USP2: variants seen among roughly 807,000 people sequenced by gnomAD.
USP2 encodes the protein ubiquitin specific peptidase 2.
USP2 carries 33 observed loss-of-function variants against 72.0 expected under a neutral mutation model. The observed-to-expected ratio is 0.46, with a 90% confidence interval of 0.35 to 0.61. The LOEUF is 0.61. Among genes scored for constraint, USP2 ranks in the 20% least tolerant of loss-of-function variants. USP2 has a pLI of 0.01. For missense variants in USP2, 691 were observed against 797.8 expected (o/e 0.87, Z 1.61); for synonymous variants, 296 against 312.5 (o/e 0.95, Z 0.56).
chr11:119,373,207 C>T lies in USP2; in HGVS notation c.274G>A (p.Ala92Thr). The T allele has an allele frequency of 6.2e-7, 1 of 1,613,988 alleles. No individual in the cohort carries two copies. Among genetic ancestry groups the T allele is most frequent in the African/African-American group, 1.3e-5 (1 of 75,028 alleles). Residue 92 changes from alanine to threonine, a missense_variant, in exon 2 of 13, where the codon GCA becomes ACA. Transcript: ENST00000260187. ...RPDITGGGKRAESQTRGTERP... is the reference protein window; with the variant it reads ...RPDITGGGKRTESQTRGTERP... ...TCAGTACCCCGGGTCTGGCTCTCTGCCCGCTTACCACCCCCAGTGATGTCG... is the reference window on the plus strand; with the variant it reads ...TCAGTACCCCGGGTCTGGCTCTCTGTCCGCTTACCACCCCCAGTGATGTCG...
rs201525721 is a variant in USP2 at position 119,359,570 on chromosome 11, G to A, written c.916C>T (p.His306Tyr). 9.3e-6 allele frequency: 15 copies of A among 1,613,952 alleles called. No homozygotes were observed. The Admixed American group carries it at 2.5e-4, about 27-fold the overall frequency. ...AGGGCTGTGTGTGCATTGCTGCCGT[G>A]GTGCAGGTCCCGCATGTAGAGCCTC... ...LQRLYMRDLH[H>Y]GSNAHTALVE... is the part of the protein sequence containing the mutation. The change falls in exon 4 of 13, where the codon CAC (histidine) becomes TAC (tyrosine). Residue 306 changes from histidine (H) to tyrosine (Y), a missense_variant. His to Tyr is a moderately conservative substitution (Grantham distance 83, BLOSUM62 2). Transcript: ENST00000260187.
intron 2 of USP2, among the ~76,000 whole-genome samples, chr11:119,369,198 C>G (rs1950894129): frequency 6.6e-6 from 1 of 152,190 alleles, no homozygotes; most frequent in Admixed American, 6.5e-5. Flanking sequence ...TATACAAGTG[C>G]TGAGCTGCGC....
At chr11:119,366,259 G>A (rs777917875) in intron 2 of USP2, among the ~76,000 whole-genome samples, 2 of 152,194 alleles carry the variant, frequency 1.3e-5, no homozygotes, top group Non-Finnish European at 2.9e-5. Context: ...TTCCAGGACT[G>A]CAAAGTTAAT....
At position 119,357,078 on chromosome 11, in the gene USP2, T is replaced by G. The variant is rs1950670690; in HGVS notation, c.1730+109A>C. On this transcript the variant is annotated intron_variant, in intron 12 of 12. Coordinates refer to ENST00000260187, the MANE Select transcript of USP2 (RefSeq NM_004205.5). ...CTTAAACTTTGCCATCCATTCTCGG[T>G]GTAAGCCGTGCGGGGGGTGGGAGGG... 7 of 973,508 alleles carry G rather than the reference T, an allele frequency of 7.2e-6. No homozygotes were observed. The East Asian group carries it at 4.3e-4, about 60-fold the overall frequency. 60.3% of individuals were successfully genotyped at this position (973,508 alleles called of 1,614,324 possible).
chr11:119,367,699 T>C (rs1414305443), intron 2 of USP2, among the ~76,000 whole-genome samples: 1 of 152,212 alleles, frequency 6.6e-6, no homozygotes, highest in Non-Finnish European at 1.5e-5. Flanking sequence ...CAGTCTGGCC[T>C]GAACCAGCTG....
At chr11:119,380,401 C>T (rs1951046601) in intron 1 of USP2, among the ~76,000 whole-genome samples, 1 of 152,080 alleles carries the variant, frequency 6.6e-6, no homozygotes, top group Admixed American at 6.5e-5. Flanking sequence ...AGTGCAGCTT[C>T]CCCCAGGCCA....
At chr11:119,379,917 CTTTTTTTTTT>C (rs397816714) in intron 1 of USP2, among the ~76,000 whole-genome samples, 22 of 116,548 alleles carry the variant, frequency 1.9e-4, no homozygotes, top group African/African-American at 7.2e-4. Context: ...GTTCCTTTCT[CTTTTTTTTTT>C]TTTTTTTTTG....
At chr11:119,379,468 C>T (rs1951036439) in intron 1 of USP2, 1 of 285,884 alleles carries the variant, frequency 3.5e-6, no homozygotes, top group South Asian at 1.3e-4. Context: ...ACAGTTAGCC[C>T]CACTCTTAAT....
At chr11:119,373,838 G>A (rs984894217) in intron 1 of USP2, among the ~76,000 whole-genome samples, 3 of 152,228 alleles carry the variant, frequency 2.0e-5, no homozygotes, top group Non-Finnish European at 4.4e-5. Context: ...ACCAAGCCGT[G>A]CAGTCTTCCA....
chr11:119,369,521 G>A (rs905459575), intron 2 of USP2, among the ~76,000 whole-genome samples: 7 of 152,190 alleles, frequency 4.6e-5, no homozygotes, highest in Admixed American at 1.3e-4. Flanking sequence ...TTTCTCCCAC[G>A]GGGTTGGTGG....
intron 1 of USP2, among the ~76,000 whole-genome samples, chr11:119,375,969 C>A (rs950151974): frequency 6.6e-6 from 1 of 152,204 alleles, no homozygotes; most frequent in African/African-American, 2.4e-5. Flanking sequence ...ACTCTCCCTC[C>A]CATCTGGCAG....
chr11:119,358,955 C>G (rs1234666398), intron 6 of USP2, 69 bp downstream of exon 6: 15 of 1,585,054 alleles, frequency 9.5e-6, no homozygotes, highest in Non-Finnish European at 1.2e-5. Context: ...TCATTAACCC[C>G]AAAGTGGTGG....
chr11:119,367,390 G>T (rs371069251), intron 2 of USP2, among the ~76,000 whole-genome samples: 1 of 152,230 alleles, frequency 6.6e-6, no homozygotes, highest in Non-Finnish European at 1.5e-5. Context: ...TCTCAGATCT[G>T]CGTGGGCAGC....
chr11:119,369,199 T>A (rs1022318615), intron 2 of USP2, among the ~76,000 whole-genome samples: 7 of 152,192 alleles, frequency 4.6e-5, no homozygotes, highest in African/African-American at 1.7e-4. Context: ...ATACAAGTGC[T>A]GAGCTGCGCC....
chr11:119,362,208 A>G (rs1950774691), intron 2 of USP2, among the ~76,000 whole-genome samples: 1 of 152,070 alleles, frequency 6.6e-6, no homozygotes, highest in Non-Finnish European at 1.5e-5. Flanking sequence ...GGGGTAGGGA[A>G]ATGGGAAAAC....
At chr11:119,364,212 G>A in intron 2 of USP2, 4 of 1,128,128 alleles carry the variant, frequency 3.5e-6, no homozygotes, top group Non-Finnish European at 3.3e-6. Flanking sequence ...GCCGACTGGC[G>A]GCCCCGCCGG....
chr11:119,368,190 G>C (rs1950880565), intron 2 of USP2, among the ~76,000 whole-genome samples: 1 of 152,200 alleles, frequency 6.6e-6, no homozygotes, highest in Non-Finnish European at 1.5e-5. Flanking sequence ...TCTGGCTTAA[G>C]GTCCTTTAGT....
In USP2 at chr11:119,372,871, G is replaced by A. The variant is rs1465488587; in HGVS notation, c.610C>T (p.Arg204Cys). Residue 204 changes from arginine to cysteine, a missense_variant, in exon 2 of 13, where the codon CGC becomes TGC. By Grantham distance (180) the Arg-to-Cys change is radical. Coordinates refer to ENST00000260187, the MANE Select transcript of USP2 (RefSeq NM_004205.5). ...YLVDYLENYGRKGSASQVPSQ... is the reference protein window; with the variant it reads ...YLVDYLENYGCKGSASQVPSQ... ...GGCACCTGAGATGCACTGCCCTTGCGACCATAGTTCTCCAGGTAGTCGACC... is the reference window on the plus strand; with the variant it reads ...GGCACCTGAGATGCACTGCCCTTGCAACCATAGTTCTCCAGGTAGTCGACC... The A allele has an allele frequency of 7.5e-6, 12 of 1,607,994 alleles. No individual in the cohort carries two copies. The highest frequency in any genetic ancestry group is 3.4e-5 in the Admixed American group (2 of 59,544).
chr11:119,370,967 C>T (rs1197535017), intron 2 of USP2, among the ~76,000 whole-genome samples: 1 of 152,104 alleles, frequency 6.6e-6, no homozygotes, highest in Non-Finnish European at 1.5e-5. Context: ...GGAATCTGAT[C>T]CCCAGTAAAG....
Sources: gnomAD v4.1 joint callset for allele counts (sites outside exome capture counted in the v4.1 genomes callset) on GRCh38, gnomAD v4.1.1 for gene constraint, MANE v1.5 for transcripts, NCBI Gene and HGNC (gene_info 2026-07-23, HGNC 2026-07-21) for gene names.